Variants in NRG3 observed in about 807,000 individuals in gnomAD.
The protein encoded by NRG3 is neuregulin 3.
NRG3 carries 31 observed loss-of-function variants against 66.9 expected under a neutral mutation model. That is an observed-to-expected ratio of 0.46 (90% confidence interval 0.35 to 0.63). The LOEUF is 0.63. Ranked by LOEUF, NRG3 falls within the 20% of genes least tolerant of loss-of-function variation. The pLI is 0.00. For missense variants in NRG3, 910 were observed against 878.9 expected, an observed-to-expected ratio of 1.04 and a Z score of -0.45; for synonymous variants, 393 against 359.4, an observed-to-expected ratio of 1.09 and a Z score of -1.06.
intron 4 of NRG3, among the ~76,000 whole-genome samples, chr10:82,942,833 GGA>G (rs913355517): frequency 7.9e-5 from 12 of 152,100 alleles, no homozygotes; most frequent in Non-Finnish European, 1.5e-5. Flanking sequence ...TATCTGTGAG[GGA>G]GAGTGTGAAA....
intron 2 of NRG3, among the ~76,000 whole-genome samples, chr10:82,523,750 A>G (rs768040434): frequency 6.6e-5 from 10 of 152,096 alleles, no homozygotes; most frequent in Non-Finnish European, 1.0e-4. Context: ...CATAACTCAA[A>G]AGTCTCCATA....
At chr10:82,363,930 G>A (rs1253164215) in intron 2 of NRG3, among the ~76,000 whole-genome samples, 1 of 151,950 alleles carries the variant, frequency 6.6e-6, no homozygotes, top group Non-Finnish European at 1.5e-5. Flanking sequence ...TGGTCACTAT[G>A]TCATGTTAGG....
chr10:82,543,300 C>T (rs1175809164), intron 2 of NRG3, among the ~76,000 whole-genome samples: 1 of 152,048 alleles, frequency 6.6e-6, no homozygotes, highest in Non-Finnish European at 1.5e-5. Flanking sequence ...CTAATTTTGT[C>T]ATCATTTTGT....
At chr10:81,964,254 T>G (rs1457871089) in intron 1 of NRG3, among the ~76,000 whole-genome samples, 1 of 151,894 alleles carries the variant, frequency 6.6e-6, no homozygotes, top group East Asian at 1.9e-4. Context: ...TTGGAGAAAT[T>G]TATATGTAGA....
intron 1 of NRG3, among the ~76,000 whole-genome samples, chr10:82,144,040 A>G (rs1271274548): frequency 6.6e-6 from 1 of 151,030 alleles, no homozygotes; most frequent in East Asian, 1.9e-4. Flanking sequence ...AAAAAAAAAA[A>G]AAAGAAAAGA....
Position 81,986,963 on chromosome 10 carries a change from C to T in NRG3, c.823+110800C>T, listed in dbSNP as rs117941025. On this transcript the variant is annotated intron_variant, in intron 1 of 8. Coordinates refer to ENST00000372141, the MANE Select transcript of NRG3 (RefSeq NM_001010848.4). ...TCCCAAAGTGCTGGGATTCCACAAC[C>T]TTTAATATAAAATTTCTACTATTGC... Among the ~76,000 whole-genome samples the T allele has an allele frequency of 2.4e-4, 37 of 152,206 alleles. No homozygotes were observed. In the East Asian group the frequency reaches 7.0e-3, roughly 29 times the overall value.
chr10:82,213,003 C>A (rs894900633), intron 1 of NRG3, among the ~76,000 whole-genome samples: 2 of 152,068 alleles, frequency 1.3e-5, no homozygotes, highest in African/African-American at 2.4e-5. Context: ...TTGCCCAGGC[C>A]CTACTTTCGG....
chr10:82,560,095 G>GAT (rs2044935927), intron 2 of NRG3, among the ~76,000 whole-genome samples: 1 of 151,406 alleles, frequency 6.6e-6, no homozygotes, highest in Non-Finnish European at 1.5e-5. Context: ...TGTTTTTAAA[G>GAT]ATATATATAC....
intron 2 of NRG3, among the ~76,000 whole-genome samples, chr10:82,562,759 T>C (rs2045136233): frequency 6.6e-6 from 1 of 151,848 alleles, no homozygotes; most frequent in Non-Finnish European, 1.5e-5. Context: ...GACCTACTGC[T>C]TCTATCTAGT....
At chr10:82,561,706 C>T (rs1289598291) in intron 2 of NRG3, among the ~76,000 whole-genome samples, 1 of 152,144 alleles carries the variant, frequency 6.6e-6, no homozygotes, top group African/African-American at 2.4e-5. Flanking sequence ...TGCTAGATCC[C>T]AATCACATTT....
At chr10:82,666,117 C>T (rs1002006359) in intron 2 of NRG3, among the ~76,000 whole-genome samples, 1 of 152,136 alleles carries the variant, frequency 6.6e-6, no homozygotes, top group African/African-American at 2.4e-5. Flanking sequence ...CCGCCTTTGC[C>T]TCCCAATGGC....
intron 1 of NRG3, among the ~76,000 whole-genome samples, chr10:82,237,368 C>G (rs1333849993): frequency 1.3e-5 from 2 of 152,138 alleles, no homozygotes; most frequent in Non-Finnish European, 2.9e-5. Context: ...TATGAATACT[C>G]CATTCTTTTT....
chr10:82,624,281 C>T (rs1014479336), intron 2 of NRG3, among the ~76,000 whole-genome samples: 25 of 152,266 alleles, frequency 1.6e-4, no homozygotes, highest in African/African-American at 5.8e-4. Context: ...TCCCTGCTTT[C>T]ATAACTTGCC....
intron 6 of NRG3, among the ~76,000 whole-genome samples, chr10:82,960,616 C>G (rs1384811918): frequency 6.6e-6 from 1 of 152,052 alleles, no homozygotes; most frequent in East Asian, 1.9e-4. Flanking sequence ...ATGGCCGGTT[C>G]CTGCCTTTTC....
intron 1 of NRG3, among the ~76,000 whole-genome samples, chr10:81,894,548 C>T (rs1843337443): frequency 6.6e-6 from 1 of 152,086 alleles, no homozygotes; most frequent in African/African-American, 2.4e-5. Context: ...CCTTTTGAGG[C>T]ACTAGAGTTT....
intron 1 of NRG3, among the ~76,000 whole-genome samples, chr10:81,994,039 C>G (rs17098945): frequency 6.6e-6 from 1 of 152,022 alleles, no homozygotes; most frequent in Admixed American, 6.6e-5. Context: ...ACCAAACGTA[C>G]GAAAAATGTA....
intron 2 of NRG3, among the ~76,000 whole-genome samples, chr10:82,630,909 T>C (rs771993298): frequency 6.6e-6 from 1 of 152,190 alleles, no homozygotes; most frequent in African/African-American, 2.4e-5. Flanking sequence ...TACATTTTTG[T>C]TCACAAAGAC....
At chr10:81,903,641 A>G (rs1193334806) in intron 1 of NRG3, among the ~76,000 whole-genome samples, 1 of 152,206 alleles carries the variant, frequency 6.6e-6, no homozygotes, top group African/African-American at 2.4e-5. Context: ...CGAACACTCC[A>G]GTGAACCCAT....
At chr10:82,120,895 C>G (rs2068046254) in intron 1 of NRG3, among the ~76,000 whole-genome samples, 1 of 152,084 alleles carries the variant, frequency 6.6e-6, no homozygotes, top group African/African-American at 2.4e-5. Context: ...CTGCACATGC[C>G]TCCGTACCCA....
Sources: allele counts gnomAD v4.1 joint callset (sites outside exome capture counted in the v4.1 genomes callset), GRCh38; gene constraint gnomAD v4.1.1; transcripts MANE v1.5; gene names NCBI Gene and HGNC (gene_info 2026-07-23, HGNC 2026-07-21).